Variants in ARIH1 observed in about 807,000 individuals in gnomAD.
The protein encoded by ARIH1 is E3 ubiquitin-protein ligase ARIH1.
ARIH1 carries 8 observed loss-of-function variants against 85.0 expected under a neutral mutation model. The observed-to-expected ratio is 0.09, with a 90% CI of 0.06 to 0.17. ARIH1 has a LOEUF of 0.17. ARIH1 is among the 10% of genes least tolerant of loss of function. ARIH1 has a pLI of 1.00. For missense variants in ARIH1, 311 were observed against 718.1 expected, an observed-to-expected ratio of 0.43 and a Z score of 6.48; for synonymous variants, 238 against 253.6, an observed-to-expected ratio of 0.94 and a Z score of 0.59.
chr15:72,579,116 T>C (rs1324595527), intron 11 of ARIH1, among the ~76,000 whole-genome samples: 1 of 152,206 alleles, frequency 6.6e-6, no homozygotes. Flanking sequence ...TTGGTTCAAA[T>C]TGGGATCCAC....
intron 1 of ARIH1, among the ~76,000 whole-genome samples, chr15:72,500,558 A>T (rs1043512198): frequency 1.3e-4 from 20 of 152,284 alleles, no homozygotes; most frequent in Admixed American, 9.2e-4. Flanking sequence ...TGCTAATTTC[A>T]TTCCCTCTCT....
At chr15:72,486,368 A>G (rs894451862) in intron 1 of ARIH1, among the ~76,000 whole-genome samples, 9 of 152,224 alleles carry the variant, frequency 5.9e-5, no homozygotes, top group Non-Finnish European at 7.3e-5. Context: ...ATAGCAGTAT[A>G]TAGACTACCT....
chr15:72,564,582 T>C (rs1406613101), intron 7 of ARIH1, among the ~76,000 whole-genome samples: 1 of 152,210 alleles, frequency 6.6e-6, no homozygotes, highest in Non-Finnish European at 1.5e-5. Context: ...AAATCGGCTT[T>C]CACATTTTTG....
chr15:72,561,607 A>G, intron 6 of ARIH1, 58 bp downstream of exon 6: 2 of 995,396 alleles, frequency 2.0e-6, no homozygotes, highest in Non-Finnish European at 2.9e-6. Context: ...TAGAAATACT[A>G]TTTTAAAAAT....
At chr15:72,579,245 TAG>T (rs1247218718) in intron 11 of ARIH1, among the ~76,000 whole-genome samples, 1 of 152,194 alleles carries the variant, frequency 6.6e-6, no homozygotes, top group Non-Finnish European at 1.5e-5. Flanking sequence ...TGTTGTCCTG[TAG>T]AGTTTCCCAC....
At chr15:72,515,737 A>G (rs1441047142) in intron 1 of ARIH1, among the ~76,000 whole-genome samples, 1 of 152,172 alleles carries the variant, frequency 6.6e-6, no homozygotes, top group East Asian at 1.9e-4. Context: ...GCACTTGAGC[A>G]GTGATTTATA....
At chr15:72,553,657 C>T (rs990784773) in intron 3 of ARIH1, among the ~76,000 whole-genome samples, 12 of 152,284 alleles carry the variant, frequency 7.9e-5, no homozygotes, top group East Asian at 3.9e-4. Flanking sequence ...CGGTGGCTCA[C>T]GCCTGTAATC....
At position 72,490,914 on chromosome 15, in the gene ARIH1, G is replaced by A. The variant is rs570738700; in HGVS notation, c.375+15900G>A. 9.2e-5 allele frequency among the ~76,000 whole-genome samples: 14 copies of A among 152,140 alleles called. No homozygotes were observed. The South Asian group carries it at 1.9e-3, about 20-fold the overall frequency. Reference sequence around the variant, plus strand: ...GGGCAGATCATGAGGTCAGGAGTTCGAGACCAGCCTGGCCAACATGGTGAA... The same window carrying A: ...GGGCAGATCATGAGGTCAGGAGTTCAAGACCAGCCTGGCCAACATGGTGAA... On this transcript the variant is annotated intron_variant, in intron 1 of 13. Coordinates refer to ENST00000379887, the MANE Select transcript of ARIH1 (RefSeq NM_005744.5).
In ARIH1 at chr15:72,581,039, C is replaced by T. The variant is rs751020878; in HGVS notation, c.1476+48C>T. 1.9e-6 allele frequency: 3 copies of T among 1,556,186 alleles called. No individual in the cohort carries two copies. The South Asian group carries it at 3.6e-5, about 19-fold the overall frequency. On this transcript the variant is annotated intron_variant, in intron 12 of 13. Transcript: ENST00000379887. ...AAAAAGCCCACCTTGTATCATAGGTCTACCTGATCTTTCATATATAAGATA... is the reference window on the plus strand; with the variant it reads ...AAAAAGCCCACCTTGTATCATAGGTTTACCTGATCTTTCATATATAAGATA...
intron 4 of ARIH1, 92 bp from the exon 5 acceptor site, chr15:72,555,760 G>A: frequency 2.0e-6 from 2 of 997,424 alleles, no homozygotes; most frequent in Non-Finnish European, 3.1e-6. Context: ...AAACATTAAG[G>A]TATTCCCAGA....
intron 1 of ARIH1, among the ~76,000 whole-genome samples, chr15:72,476,428 A>C (rs1352460733): frequency 1.3e-5 from 2 of 152,174 alleles, no homozygotes; most frequent in African/African-American, 4.8e-5. Context: ...GCAATGGCGC[A>C]ATCTCTGCTC....
intron 11 of ARIH1, among the ~76,000 whole-genome samples, chr15:72,576,505 C>CAAA (rs35725065): frequency 1.9e-4 from 12 of 63,276 alleles, no homozygotes; most frequent in African/African-American, 3.1e-4. Context: ...GACTCTGTCT[C>CAAA]AAAAAAAAAA....
intron 3 of ARIH1, 120 bp downstream of exon 3, chr15:72,545,084 C>A: frequency 1.2e-6 from 1 of 842,712 alleles, no homozygotes; most frequent in Non-Finnish European, 1.7e-6. Flanking sequence ...AAGCCATAAC[C>A]TATCAATGTA....
At position 72,588,868 on chromosome 15, in the gene ARIH1, G is replaced by A. The variant is rs752574876; in HGVS notation, c.*5576G>A. The A allele has an allele frequency of 6.6e-6, 1 of 152,184 alleles. No homozygotes were observed. Among genetic ancestry groups the A allele is most frequent in the Non-Finnish European group, 1.5e-5 (1 of 68,034 alleles). The allele number at this position is 152,184 out of a possible 1,614,324, so 9.4% of individuals were successfully genotyped here. ...ATCTATCTAGGGAAAATAATACAGA[G>A]TCTGAGCAAAGGAAGTTGAGTGGTT... On this transcript the variant is annotated 3_prime_UTR_variant, in exon 14 of 14. Transcript: ENST00000379887.
chr15:72,521,582 C>T (rs1278076123), intron 2 of ARIH1, among the ~76,000 whole-genome samples: 1 of 151,826 alleles, frequency 6.6e-6, no homozygotes, highest in African/African-American at 2.4e-5. Context: ...TTGCCTCTGT[C>T]AGCCAGGCTG....
chr15:72,567,253 A>T (rs1055497558), intron 9 of ARIH1, 76 bp downstream of exon 9: 1 of 1,126,914 alleles, frequency 8.9e-7, no homozygotes, highest in Non-Finnish European at 1.3e-6. Context: ...AAAAGCAATG[A>T]GGTGACCTAC....
chr15:72,559,985 C>A (rs555816261), intron 5 of ARIH1, among the ~76,000 whole-genome samples: 7 of 152,058 alleles, frequency 4.6e-5, no homozygotes, highest in Admixed American at 2.0e-4. Context: ...GTTTTTAATT[C>A]TCTTAAGTAT....
At chr15:72,483,800 A>ATTTTTT (rs10699090) in intron 1 of ARIH1, among the ~76,000 whole-genome samples, 1 of 146,958 alleles carries the variant, frequency 6.8e-6, no homozygotes, top group African/African-American at 2.5e-5. Flanking sequence ...CAGTTTACTG[A>ATTTTTT]TTTTTTTTTT....
rs941922570 is a variant in ARIH1 at position 72,592,604 on chromosome 15, C to G, written c.*9312C>G. ...CACCTCCCCACTCCAGTGATCACTTCTTGATTTTTATCACTAAAGATTTGT... is the reference window on the plus strand; with the variant it reads ...CACCTCCCCACTCCAGTGATCACTTGTTGATTTTTATCACTAAAGATTTGT... On this transcript the variant is annotated 3_prime_UTR_variant, in exon 14 of 14. Transcript: ENST00000379887. 6.6e-6 allele frequency: 1 copy of G among 152,126 alleles called. No homozygotes were observed. The allele number at this position is 152,126 out of a possible 1,614,324, so 9.4% of individuals were successfully genotyped here.
Sources: allele counts gnomAD v4.1 joint callset (sites outside exome capture counted in the v4.1 genomes callset), GRCh38; gene constraint gnomAD v4.1.1; transcripts MANE v1.5; gene names NCBI Gene and HGNC (gene_info 2026-07-23, HGNC 2026-07-21).